The following LMF1 variants were observed in gnomAD, a reference collection of about 807,000 sequenced individuals.
LMF1 encodes transmembrane protein 112.
Under a neutral mutation model 60.6 loss-of-function variants are expected in LMF1, and 68 were observed. That is an observed-to-expected ratio of 1.12 (90% confidence interval 0.92 to 1.37). The LOEUF is 1.37. LMF1 is among the 40% of genes most tolerant of loss of function. LMF1 has a pLI of 0.00. For synonymous variants in LMF1, 418 were observed against 324.7 expected (o/e 1.29, Z -3.09); for missense variants, 948 against 767.2 (o/e 1.24, Z -2.78).
rs868453251 is a variant in LMF1 at position 955,032 on chromosome 16, T to C, written c.194-366A>G. Among the ~76,000 whole-genome samples the C allele has an allele frequency of 6.0e-3, 782 of 129,658 alleles. 16 individuals are homozygous for C. Among genetic ancestry groups the C allele is most frequent in the Non-Finnish European group, 6.5e-3 (395 of 61,162 alleles). The allele number at this position is 129,658 out of a possible 152,430, so 85.1% of individuals were successfully genotyped here. On this transcript the variant is annotated intron_variant, in intron 1 of 10. Coordinates refer to ENST00000262301, the MANE Select transcript of LMF1 (RefSeq NM_022773.4). ...GCCTGCAGCAGATGCGGTGTGTGCA[T>C]ACACACACACACATCTAAGTAAACT...
Position 977,058 on chromosome 16 carries a change from C to G in LMF1, c.-135+4087G>C, listed in dbSNP as rs1178358665. 1.1e-5 allele frequency: 5 copies of G among 454,170 alleles called. No individual in the cohort carries two copies. The East Asian group carries it at 2.8e-4, about 25-fold the overall frequency. The allele number at this position is 454,170 out of a possible 1,614,324, so 28.1% of individuals were successfully genotyped here. On this transcript the variant is annotated intron_variant, in intron 1 of 6. Transcript: ENST00000570014. ...CAGGCAGACGTAAGCTGCAGCAGGG[C>G]CAGCTCTGGCTACAGAGGCCCAGAA...
At chr16:976,192 G>A (rs775870549) in intron 1 of LMF1, 9 of 451,746 alleles carry the variant, frequency 2.0e-5, no homozygotes, top group East Asian at 1.4e-4. Context: ...CCTGGGCCAC[G>A]GATGGGCTGG....
chr16:859,146 G>A (rs1246534985), intron 10 of LMF1, among the ~76,000 whole-genome samples: 1 of 133,530 alleles, frequency 7.5e-6, no homozygotes, highest in Non-Finnish European at 1.5e-5. Flanking sequence ...GTCACGGGAC[G>A]GGTGTGCAGT....
intron 10 of LMF1, chr16:854,981 A>C (rs965989641): frequency 1.8e-6 from 1 of 543,422 alleles, no homozygotes; most frequent in Non-Finnish European, 3.3e-6. Context: ...CCCACTTGGC[A>C]GAGGGACCGG....
chr16:876,810 T>TTGA (rs1257304849), intron 6 of LMF1, among the ~76,000 whole-genome samples: 5 of 151,740 alleles, frequency 3.3e-5, no homozygotes, highest in Non-Finnish European at 7.4e-5. Context: ...GGCTGATTGA[T>TTGA]TGATAACCAC....
At chr16:875,744 C>T (rs1054463355) in intron 6 of LMF1, among the ~76,000 whole-genome samples, 3 of 152,172 alleles carry the variant, frequency 2.0e-5, no homozygotes. Context: ...TTGGACCGGC[C>T]TCGGAACCAG....
chr16:938,378 G>A (rs2072002904), intron 2 of LMF1, among the ~76,000 whole-genome samples: 1 of 151,766 alleles, frequency 6.6e-6, no homozygotes, highest in African/African-American at 2.4e-5. Flanking sequence ...AGGGAAGGCA[G>A]GGATGGGGCT....
intron 8 of LMF1, 41 bp downstream of exon 8, chr16:870,688 C>T (rs761027739): frequency 2.5e-5 from 40 of 1,607,522 alleles, no homozygotes; most frequent in Non-Finnish European, 3.1e-5. Flanking sequence ...TGAGTCTCCC[C>T]ATATACCCAG....
chr16:933,381 C>G (rs573128196), intron 3 of LMF1: 1 of 152,570 alleles, frequency 6.6e-6, no homozygotes, highest in Non-Finnish European at 1.5e-5. Flanking sequence ...AATGAAAATA[C>G]GTGAGGAATA....
At chr16:978,814 C>G (rs1374989093) in intron 1 of LMF1, among the ~76,000 whole-genome samples, 1 of 152,034 alleles carries the variant, frequency 6.6e-6, no homozygotes, top group African/African-American at 2.4e-5. Context: ...CAGGTGGACT[C>G]AGAGGTGGCT....
chr16:972,110 G>A (rs1383002203), upstream of LMF1, among the ~76,000 whole-genome samples: 3 of 152,200 alleles, frequency 2.0e-5, no homozygotes, highest in Non-Finnish European at 2.9e-5. Context: ...GGCAGGGACT[G>A]ACTGTGGACA....
intron 3 of LMF1, among the ~76,000 whole-genome samples, chr16:926,268 G>A (rs1356048807): frequency 1.3e-5 from 2 of 152,064 alleles, no homozygotes; most frequent in Non-Finnish European, 2.9e-5. Context: ...GTGCATGCAT[G>A]CACCTGTTTG....
chr16:917,344 G>T (rs1286546047), intron 3 of LMF1, among the ~76,000 whole-genome samples: 1 of 94,764 alleles, frequency 1.1e-5, no homozygotes, highest in African/African-American at 6.1e-5. Context: ...GTGCACTGCG[G>T]GTGGGCGCAG....
intron 5 of LMF1, 43 bp downstream of exon 5, chr16:892,964 G>A (rs374539946): frequency 4.7e-5 from 69 of 1,473,288 alleles, no homozygotes; most frequent in African/African-American, 7.0e-5. Context: ...ACGGGGCGGC[G>A]TGAGACCGGG....
chr16:926,983 G>A (rs556612007), intron 3 of LMF1, among the ~76,000 whole-genome samples: 1 of 152,296 alleles, frequency 6.6e-6, no homozygotes, highest in South Asian at 2.1e-4. Flanking sequence ...CACCACTCCT[G>A]GAGCCAAGAA....
intron 1 of LMF1, 133 bp downstream of exon 1, chr16:970,655 G>T: frequency 1.2e-6 from 1 of 813,578 alleles, no homozygotes; most frequent in Non-Finnish European, 1.8e-6. Flanking sequence ...GCCTTGCCCG[G>T]GCCCCAGCAG....
chr16:955,005 G>T (rs371928941), intron 1 of LMF1, among the ~76,000 whole-genome samples: 1 of 151,222 alleles, frequency 6.6e-6, no homozygotes, highest in Non-Finnish European at 1.5e-5. Context: ...CATAAAATGC[G>T]TGCCTGCAGC....
chr16:911,117 A>G, intron 3 of LMF1, 38 bp from the exon 4 acceptor site: 1 of 1,594,750 alleles, frequency 6.3e-7, no homozygotes, highest in Non-Finnish European at 8.5e-7. Flanking sequence ...AGTTAATGGA[A>G]GCCACACATT....
intron 10 of LMF1, among the ~76,000 whole-genome samples, chr16:863,987 C>G (rs543044607): frequency 2.0e-5 from 3 of 152,200 alleles, no homozygotes; most frequent in East Asian, 3.9e-4. Flanking sequence ...TGATGGTGCT[C>G]CTTTATGTTC....
Sources: allele counts gnomAD v4.1 joint callset (sites outside exome capture counted in the v4.1 genomes callset), GRCh38; gene constraint gnomAD v4.1.1; transcripts MANE v1.5; gene names NCBI Gene and HGNC (gene_info 2026-07-23, HGNC 2026-07-21).